FBXL4: variants seen among roughly 807,000 people sequenced by gnomAD.
FBXL4 encodes the protein F-box/LRR-repeat protein 4.
A neutral mutation model predicts 58.9 loss-of-function variants in FBXL4; 40 were observed. The observed-to-expected ratio is 0.68, with a 90% CI of 0.53 to 0.88. The LOEUF (loss-of-function observed/expected upper bound fraction) is 0.88. FBXL4 is among the 40% of genes least tolerant of loss of function. The probability of loss-of-function intolerance (pLI) is 0.00; values close to 1 mark genes in which losing one functional copy is unlikely to be tolerated. For synonymous variants in FBXL4, 263 were observed against 265.5 expected (o/e 0.99, Z 0.09); for missense variants, 676 against 734.4 (o/e 0.92, Z 0.92).
chr6:98,899,706 A>G (rs1771535202), intron 6 of FBXL4, among the ~76,000 whole-genome samples: 1 of 152,186 alleles, frequency 6.6e-6, no homozygotes, highest in African/African-American at 2.4e-5. Flanking sequence ...CATCATATAA[A>G]AAGTCAGCTA....
chr6:98,919,375 G>T (rs552820436), intron 4 of FBXL4, among the ~76,000 whole-genome samples: 20 of 152,208 alleles, frequency 1.3e-4, no homozygotes, highest in African/African-American at 4.8e-4. Flanking sequence ...TGAAATGTAG[G>T]AATAAAATCC....
At chr6:98,938,041 C>CTTTTTTTT (rs71015480) in intron 1 of FBXL4, among the ~76,000 whole-genome samples, 1 of 121,082 alleles carries the variant, frequency 8.3e-6, no homozygotes, top group Non-Finnish European at 1.7e-5. Context: ...CCCCTGCACC[C>CTTTTTTTT]TTTTTTTTTT....
chr6:98,933,412 C>T (rs1383286192), intron 2 of FBXL4, among the ~76,000 whole-genome samples: 1 of 152,140 alleles, frequency 6.6e-6, no homozygotes, highest in African/African-American at 2.4e-5. Context: ...TCCACACCCA[C>T]TACCCTTGCT....
In FBXL4 at chr6:98,873,271, T is replaced by C; in HGVS notation, c.*1007A>G. Reference sequence around the variant, plus strand: ...TACATTACATATAATATAAATGTAATATATAATTATATAATATATAATATA... The same window carrying C: ...TACATTACATATAATATAAATGTAACATATAATTATATAATATATAATATA... On this transcript the variant is annotated 3_prime_UTR_variant, in exon 10 of 10. Coordinates refer to ENST00000369244, the MANE Select transcript of FBXL4 (RefSeq NM_001278716.2). 1 of 147,516 alleles carries C rather than the reference T, an allele frequency of 6.8e-6. No homozygotes were observed. The highest frequency in any genetic ancestry group is 2.0e-4 in the East Asian group (1 of 5,126). 9.1% of individuals were successfully genotyped at this position (147,516 alleles called of 1,614,324 possible).
At chr6:98,905,380 C>G in intron 6 of FBXL4, 46 bp downstream of exon 6, 1 of 1,601,936 alleles carries the variant, frequency 6.2e-7, no homozygotes, top group Admixed American at 1.7e-5. Flanking sequence ...ATAAGTATAA[C>G]CTGCTGCTGG....
intron 5 of FBXL4, among the ~76,000 whole-genome samples, chr6:98,907,047 T>A (rs1341642790): frequency 6.6e-6 from 1 of 152,198 alleles, no homozygotes; most frequent in East Asian, 1.9e-4. Flanking sequence ...GTTTAACTTC[T>A]TTGTAGATTC....
chr6:98,914,584 T>C (rs1384034966), intron 5 of FBXL4, among the ~76,000 whole-genome samples: 3 of 152,248 alleles, frequency 2.0e-5, no homozygotes, highest in African/African-American at 7.2e-5. Flanking sequence ...ATTATCTCAA[T>C]AGATGCAGAA....
chr6:98,919,909 A>G (rs1395805819), intron 4 of FBXL4, among the ~76,000 whole-genome samples: 2 of 152,070 alleles, frequency 1.3e-5, no homozygotes, highest in Non-Finnish European at 2.9e-5. Context: ...AGAAACAAGG[A>G]CCCCTCAAGA....
At chr6:98,935,307 G>GTTT (rs199838719) in intron 1 of FBXL4, among the ~76,000 whole-genome samples, 2 of 126,504 alleles carry the variant, frequency 1.6e-5, no homozygotes, top group Admixed American at 7.9e-5. Context: ...ATGGTTTTTT[G>GTTT]TTTTTTTTTT....
At chr6:98,889,095 ATAT>A (rs1771134325) in intron 7 of FBXL4, among the ~76,000 whole-genome samples, 1 of 152,244 alleles carries the variant, frequency 6.6e-6, no homozygotes, top group African/African-American at 2.4e-5. Context: ...AAACAGCAAA[ATAT>A]TATAACAAGT....
At chr6:98,921,881 T>A (rs2128403014) in intron 4 of FBXL4, among the ~76,000 whole-genome samples, 1 of 152,278 alleles carries the variant, frequency 6.6e-6, no homozygotes, top group Admixed American at 6.5e-5. Flanking sequence ...ATTTGTCATC[T>A]TCTTCTTCCC....
chr6:98,896,510 C>T (rs1004603553), intron 7 of FBXL4, among the ~76,000 whole-genome samples: 2 of 152,068 alleles, frequency 1.3e-5, no homozygotes, highest in East Asian at 3.9e-4. Context: ...GCAATGAGTT[C>T]GGAGGCATTA....
intron 8 of FBXL4, among the ~76,000 whole-genome samples, chr6:98,879,751 A>T (rs1166657082): frequency 6.6e-6 from 1 of 151,618 alleles, no homozygotes; most frequent in African/African-American, 2.4e-5. Context: ...GACCAGCCTG[A>T]CCAATAGGGT....
At chr6:98,903,251 T>C (rs1251079292) in intron 6 of FBXL4, among the ~76,000 whole-genome samples, 1 of 152,154 alleles carries the variant, frequency 6.6e-6, no homozygotes, top group African/African-American at 2.4e-5. Flanking sequence ...ATTCTGGGAA[T>C]GCTGCCTACA....
At chr6:98,915,238 T>C (rs1247183934) in intron 5 of FBXL4, among the ~76,000 whole-genome samples, 1 of 151,900 alleles carries the variant, frequency 6.6e-6, no homozygotes, top group African/African-American at 2.4e-5. Context: ...AAAATGGCCA[T>C]ACTGCCCAAG....
chr6:98,888,854 T>C (rs1771126632), intron 7 of FBXL4, among the ~76,000 whole-genome samples: 1 of 152,240 alleles, frequency 6.6e-6, no homozygotes, highest in Admixed American at 6.5e-5. Context: ...GTAGAATACA[T>C]GTTCATAAAC....
At chr6:98,902,035 C>T (rs535937254) in intron 6 of FBXL4, among the ~76,000 whole-genome samples, 1 of 151,962 alleles carries the variant, frequency 6.6e-6, no homozygotes, top group South Asian at 2.1e-4. Flanking sequence ...TTAATTTGTC[C>T]AAAATAATAC....
chr6:98,876,035 T>C (rs1438003293), intron 8 of FBXL4, among the ~76,000 whole-genome samples: 1 of 152,238 alleles, frequency 6.6e-6, no homozygotes, highest in Admixed American at 6.5e-5. Flanking sequence ...GTTCTTCTTT[T>C]ATGCCCACCA....
chr6:98,874,557 C>G lies in FBXL4; in HGVS notation c.1703-116G>C, dbSNP rs1770586893. On this transcript the variant is annotated intron_variant, in intron 9 of 9. Coordinates refer to ENST00000369244, the MANE Select transcript of FBXL4 (RefSeq NM_001278716.2). Reference sequence around the variant, plus strand: ...TGTTTGTAATGAACTTAAAATAACCCTTTACAAATTAAAATCATTTTTTCA... The same window carrying G: ...TGTTTGTAATGAACTTAAAATAACCGTTTACAAATTAAAATCATTTTTTCA... The G allele has an allele frequency of 4.5e-6, 5 of 1,115,672 alleles. No individual in the cohort carries two copies. In the South Asian group the frequency reaches 5.0e-5, roughly 11 times the overall value. 69.1% of individuals were successfully genotyped at this position (1,115,672 alleles called of 1,614,324 possible).
Sources: allele counts gnomAD v4.1 joint callset (sites outside exome capture counted in the v4.1 genomes callset), GRCh38; gene constraint gnomAD v4.1.1; transcripts MANE v1.5; gene names NCBI Gene and HGNC (gene_info 2026-07-23, HGNC 2026-07-21).